PI4KA: variants seen among roughly 807,000 people sequenced by gnomAD.
PI4KA encodes the protein phosphatidylinositol 4-kinase alpha.
PI4KA carries 122 observed loss-of-function variants against 271.4 expected under a neutral mutation model. The observed-to-expected ratio is 0.45, with a 90% confidence interval of 0.39 to 0.52. The LOEUF (loss-of-function observed/expected upper bound fraction) is 0.52, where lower values mean the gene tolerates loss of function less well. Among genes scored for constraint, PI4KA ranks in the 20% least tolerant of loss-of-function variants. The probability of loss-of-function intolerance (pLI) is 0.00; values close to 1 mark genes in which losing one functional copy is unlikely to be tolerated. For missense variants in PI4KA, 1,969 were observed against 2,769.1 expected (o/e 0.71, Z 6.48); for synonymous variants, 1,041 against 1,078.8 (o/e 0.96, Z 0.69).
chr22:20,787,103 A>G (rs764515412), intron 19 of PI4KA: 1 of 1,573,956 alleles, frequency 6.4e-7, no homozygotes, highest in Admixed American at 1.7e-5. Context: ...CCTTGGGGGC[A>G]CCCTCATTTT....
At chr22:20,806,550 A>C (rs1049968538) in intron 10 of PI4KA, among the ~76,000 whole-genome samples, 5 of 151,812 alleles carry the variant, frequency 3.3e-5, no homozygotes, top group Admixed American at 2.0e-4. Flanking sequence ...CATGCCTGTA[A>C]TCCCAGCTAC....
chr22:20,830,834 C>T (rs189821116), intron 3 of PI4KA, among the ~76,000 whole-genome samples: 8 of 152,128 alleles, frequency 5.3e-5, no homozygotes, highest in African/African-American at 7.2e-5. Context: ...TGCAGTGATG[C>T]GACTGTGGCT....
At chr22:20,816,582 T>TGAC (rs1180836753) in intron 7 of PI4KA, among the ~76,000 whole-genome samples, 1 of 152,166 alleles carries the variant, frequency 6.6e-6, no homozygotes, top group East Asian at 1.9e-4. Flanking sequence ...AGGATCATTA[T>TGAC]GACTGCACCC....
At position 20,804,488 on chromosome 22, in the gene PI4KA, A is replaced by G. The variant is rs1054227769; in HGVS notation, c.1361-88T>C. Reference sequence around the variant, plus strand: ...ATCCACCAAGTAAGCACAGAATTTAATAAAACCCCAGAGACATACTTTAGG... The same window carrying G: ...ATCCACCAAGTAAGCACAGAATTTAGTAAAACCCCAGAGACATACTTTAGG... On this transcript the variant is annotated intron_variant, in intron 11 of 54. Transcript: ENST00000255882. 18 of 900,352 alleles carry G rather than the reference A, an allele frequency of 2.0e-5. No homozygotes were observed. In the African/African-American group the frequency reaches 2.3e-4, roughly 11 times the overall value. The allele number at this position is 900,352 out of a possible 1,614,324, so 55.8% of individuals were successfully genotyped here.
chr22:20,727,227 C>T lies in PI4KA; in HGVS notation c.4941+3G>A. On this transcript the variant is annotated splice_donor_region_variant and intron_variant, in intron 41 of 54. Transcript: ENST00000255882. ...GGCCAGCTCAGCAGGGCCCTGGGCT[C>T]ACCGGAGGGAAGGACCGCAGGACTT... The T allele has an allele frequency of 6.2e-7, 1 of 1,611,788 alleles. No homozygotes were observed. Among genetic ancestry groups the T allele is most frequent in the East Asian group, 2.2e-5 (1 of 44,810 alleles).
rs13471 is a variant in PI4KA at position 20,707,980 on chromosome 22, G to A, written c.*67C>T. ...CATGTGGCGGCAGGGCAGGGAGGTCGCAGGGCTCCATGATTGTGGGACAGC... is the reference window on the plus strand; with the variant it reads ...CATGTGGCGGCAGGGCAGGGAGGTCACAGGGCTCCATGATTGTGGGACAGC... On this transcript the variant is annotated 3_prime_UTR_variant, in exon 55 of 55. Transcript: ENST00000255882. 70 of 1,356,668 alleles carry A rather than the reference G, an allele frequency of 5.2e-5. No homozygotes were observed. Among genetic ancestry groups the A allele is most frequent in the Non-Finnish European group, 6.8e-5 (64 of 946,156 alleles). 84.0% of individuals were successfully genotyped at this position (1,356,668 alleles called of 1,614,324 possible). A position where few individuals can be genotyped will look rare whatever the true frequency, so the allele number is the denominator to read the frequency against.
Position 20,784,386 on chromosome 22 carries a change from T to C in PI4KA, c.2328+8807A>G. The C allele has an allele frequency of 4.3e-6, 5 of 1,161,450 alleles. No individual in the cohort carries two copies. The South Asian group carries it at 6.8e-5, about 16-fold the overall frequency. 71.9% of individuals were successfully genotyped at this position (1,161,450 alleles called of 1,614,324 possible). A position where few individuals can be genotyped will look rare whatever the true frequency, so the allele number is the denominator to read the frequency against. On this transcript the variant is annotated intron_variant, in intron 19 of 54. Transcript: ENST00000255882. ...CTTCCATACAGGGCCACTCTGTTAATTCAGCCCCAATTTGTTGCTTGAGAT... is the reference window on the plus strand; with the variant it reads ...CTTCCATACAGGGCCACTCTGTTAACTCAGCCCCAATTTGTTGCTTGAGAT...
intron 7 of PI4KA, among the ~76,000 whole-genome samples, chr22:20,814,749 A>T (rs1275623528): frequency 2.1e-5 from 3 of 144,460 alleles, no homozygotes; most frequent in Non-Finnish European, 4.6e-5. Context: ...ATCCTGTATT[A>T]AAAAAAAAAA....
intron 19 of PI4KA, among the ~76,000 whole-genome samples, chr22:20,768,417 A>C (rs1932724767): frequency 6.6e-6 from 1 of 152,188 alleles, no homozygotes; most frequent in Non-Finnish European, 1.5e-5. Flanking sequence ...TGTAGAACTC[A>C]CAATATGTCA....
chr22:20,844,445 G>A (rs1352250904), intron 1 of PI4KA, among the ~76,000 whole-genome samples: 2 of 152,172 alleles, frequency 1.3e-5, no homozygotes, highest in African/African-American at 2.4e-5. Context: ...ATGGAGGGAC[G>A]GATGGAAGAA....
chr22:20,771,771 G>A (rs749994138), intron 19 of PI4KA, among the ~76,000 whole-genome samples: 2 of 151,784 alleles, frequency 1.3e-5, no homozygotes, highest in Non-Finnish European at 2.9e-5. Context: ...TAGTAGGGAC[G>A]GGGTTTTACC....
rs942978278 is a variant in PI4KA, at chr22:20,742,699, G to A, written c.3522C>T (p.Val1174=). ...GQMSDLNKMM[V]QDLHSALDRS... is the part of the protein sequence containing the mutation. ...GGTCTAAAGCTGAATGTAGATCCTG[G>A]ACCATCATTTTGTTCAGGTCAGACA... The change falls in exon 31 of 55, where the codon GTC becomes GTT. Residue 1174 remains valine, a synonymous_variant. Transcript: ENST00000255882. The A allele has an allele frequency of 1.2e-6, 2 of 1,613,888 alleles. No individual in the cohort carries two copies. Among genetic ancestry groups the A allele is most frequent in the African/African-American group, 1.3e-5 (1 of 74,898 alleles).
chr22:20,781,375 A>G (rs2147491185), intron 19 of PI4KA, among the ~76,000 whole-genome samples: 2 of 152,332 alleles, frequency 1.3e-5, no homozygotes, highest in South Asian at 4.1e-4. Context: ...TTTGCCACCA[A>G]GGACTACCAG....
At chr22:20,809,878 G>T (rs191238671) in intron 9 of PI4KA, among the ~76,000 whole-genome samples, 17 of 152,142 alleles carry the variant, frequency 1.1e-4, no homozygotes, top group African/African-American at 3.6e-4. Flanking sequence ...GCAATAGCTC[G>T]TTGGCAGGGG....
rs532050128 is a variant in PI4KA, at chr22:20,858,678, G to GCCGCCT, written c.42_47dup (p.Gly17_Gly18dup). ...TGGAGCCGGAGCCGGAGCAGCCGCC[G>GCCGCCT]CCGCCTCCGCCTCCGCCTCCGCCTC... is the stretch of plus-strand genomic sequence containing the variant. On this transcript the variant is annotated inframe_insertion, in exon 1 of 55. Transcript: ENST00000255882. The GCCGCCT allele has an allele frequency of 7.2e-3, 10,631 of 1,470,862 alleles. 467 individuals carry two copies. The African/African-American group carries it at 0.12, about 16-fold the overall frequency. The allele number at this position is 1,470,862 out of a possible 1,614,324, so 91.1% of individuals were successfully genotyped here.
chr22:20,758,576 C>G (rs1931599983), intron 23 of PI4KA, among the ~76,000 whole-genome samples: 1 of 151,448 alleles, frequency 6.6e-6, no homozygotes, highest in Non-Finnish European at 1.5e-5. Context: ...ATTGGACACC[C>G]CTGGTCTAGC....
At chr22:20,795,596 T>A (rs1934933407) in intron 18 of PI4KA, among the ~76,000 whole-genome samples, 1 of 152,232 alleles carries the variant, frequency 6.6e-6, no homozygotes, top group Admixed American at 6.5e-5. Context: ...ATTCCTAACA[T>A]GGTAGAGCGA....
chr22:20,739,043 A>C lies in PI4KA; in HGVS notation c.3741+3185T>G, dbSNP rs1250288099. On this transcript the variant is annotated intron_variant, in intron 32 of 54. Transcript: ENST00000255882. ...AAGTCAGGAGACTCAGTCACAAAAAAAAAAAAAAAAAAAAGCAACTGGCTG... is the reference window on the plus strand; with the variant it reads ...AAGTCAGGAGACTCAGTCACAAAAACAAAAAAAAAAAAAAGCAACTGGCTG... 1.9e-3 allele frequency among the ~76,000 whole-genome samples: 278 copies of C among 149,762 alleles called. 1 individual carries two copies. The highest frequency in any genetic ancestry group is 6.8e-3 in the African/African-American group (276 of 40,750).
chr22:20,836,285 A>G (rs1601596775), intron 2 of PI4KA, among the ~76,000 whole-genome samples: 1 of 152,206 alleles, frequency 6.6e-6, no homozygotes, highest in Non-Finnish European at 1.5e-5. Flanking sequence ...CAGATTCACG[A>G]ATCAAACAAA....
Sources: allele counts gnomAD v4.1 joint callset (sites outside exome capture counted in the v4.1 genomes callset), GRCh38; gene constraint gnomAD v4.1.1; transcripts MANE v1.5; gene names NCBI Gene and HGNC (gene_info 2026-07-23, HGNC 2026-07-21).